Variants in ZNF710 observed in about 807,000 individuals in gnomAD.
The protein encoded by ZNF710 is zinc finger protein 710.
ZNF710 carries 13 observed loss-of-function variants against 50.6 expected under a neutral mutation model. The observed-to-expected ratio is 0.26, with a 90% CI of 0.17 to 0.41. The LOEUF (loss-of-function observed/expected upper bound fraction) is 0.41. Ranked by LOEUF, ZNF710 falls within the 10% of genes least tolerant of loss-of-function variation. ZNF710 has a pLI of 1.00. For synonymous variants in ZNF710, 383 were observed against 397.0 expected (o/e 0.96, Z 0.42); for missense variants, 721 against 936.6 (o/e 0.77, Z 3.01).
At position 90,071,186 on chromosome 15, in the gene ZNF710, G is replaced by A. The variant is rs543468873; in HGVS notation, c.1459-1885G>A. On this transcript the variant is annotated intron_variant, in intron 2 of 4. Coordinates refer to ENST00000268154, the MANE Select transcript of ZNF710 (RefSeq NM_198526.4). ...TGAGGCAGGAGAATTGCTTGAACCCGGGAGGCAGAGGTTGCAGTGAGCCAA... is the reference window on the plus strand; with the variant it reads ...TGAGGCAGGAGAATTGCTTGAACCCAGGAGGCAGAGGTTGCAGTGAGCCAA... Among the ~76,000 whole-genome samples, 24 of 151,830 alleles carry A rather than the reference G, an allele frequency of 1.6e-4. No homozygotes were observed. The South Asian group carries it at 3.5e-3, about 22-fold the overall frequency.
In ZNF710 at chr15:90,052,465, G is replaced by A. The variant is rs533775289; in HGVS notation, c.-28-14645G>A. Among the ~76,000 whole-genome samples, 13 of 152,252 alleles carry A rather than the reference G, an allele frequency of 8.5e-5. No individual in the cohort carries two copies. In the East Asian group the frequency reaches 1.2e-3, roughly 14 times the overall value. On this transcript the variant is annotated intron_variant, in intron 1 of 4. Transcript: ENST00000268154. The stretch of plus-strand genomic sequence containing the variant: ...GAGGAGGCTGAGCTAAGGAGGACTC[G>A]GAGTGATGTGACCTCAGTCCTCCCA...
intron 1 of ZNF710, among the ~76,000 whole-genome samples, chr15:90,007,787 G>C (rs533071352): frequency 6.6e-6 from 1 of 151,554 alleles, no homozygotes; most frequent in East Asian, 1.9e-4. Context: ...TTTTTTGGTA[G>C]CACAGATGAA....
At chr15:90,024,505 C>A (rs1166982147) in intron 1 of ZNF710, among the ~76,000 whole-genome samples, 2 of 152,178 alleles carry the variant, frequency 1.3e-5, no homozygotes, top group African/African-American at 4.8e-5. Context: ...AGGAGGAAGA[C>A]CCCGGTGCAA....
At position 90,067,847 on chromosome 15, in the gene ZNF710, C is replaced by T. The variant is rs372215051; in HGVS notation, c.710C>T (p.Pro237Leu). 81 of 1,599,718 alleles carry T rather than the reference C, an allele frequency of 5.1e-5. 1 individual carries two copies. The South Asian group carries it at 7.6e-4, about 15-fold the overall frequency. The change falls in exon 2 of 5, where the codon CCG (proline) becomes CTG (leucine). Residue 237 changes from proline to leucine, a missense_variant. Transcript: ENST00000268154. The surrounding 1 kb of genome is among the most constrained non-coding windows in gnomAD (Gnocchi z 8.1). ...SDPEAPSMES[P>L]EPVKPEQGFV... ...CCCGAGGCCCCCAGCATGGAGTCCC[C>T]GGAGCCTGTCAAGCCGGAACAGGGC...
At chr15:90,056,115 T>TA (rs1293151517) in intron 1 of ZNF710, among the ~76,000 whole-genome samples, 1,981 of 120,466 alleles carry the variant, frequency 0.016, 21 homozygotes, top group Non-Finnish European at 0.019. Context: ...GACTCCATCT[T>TA]AAAAAAAAAA....
At chr15:90,030,832 C>T (rs1163657209) in intron 1 of ZNF710, among the ~76,000 whole-genome samples, 3 of 151,742 alleles carry the variant, frequency 2.0e-5, no homozygotes, top group Non-Finnish European at 4.4e-5. Context: ...CTGGCTAACA[C>T]GGTGAAACCC....
At chr15:90,047,421 C>T (rs185042000) in intron 1 of ZNF710, among the ~76,000 whole-genome samples, 289 of 152,260 alleles carry the variant, frequency 1.9e-3, no homozygotes, top group African/African-American at 6.7e-3. Flanking sequence ...GCAGAGGATG[C>T]AAACTCAGGC....
chr15:90,034,102 G>A lies in ZNF710; in HGVS notation c.-29+32488G>A, dbSNP rs1051152509. On this transcript the variant is annotated intron_variant, in intron 1 of 4. Transcript: ENST00000268154. This position sits in a 1 kb window ranked among gnomAD's most constrained non-coding sequence, Gnocchi z 4.0. ...AGTCCCAGCTACTCGGGAGGCTGAG[G>A]TGGGAGAATCGCTTGAACCCAGGAG... Among the ~76,000 whole-genome samples, 5 of 152,090 alleles carry A rather than the reference G, an allele frequency of 3.3e-5. No homozygotes were observed. Among genetic ancestry groups the A allele is most frequent in the Non-Finnish European group, 4.4e-5 (3 of 68,008 alleles).
chr15:90,029,285 G>T (rs149959987), intron 1 of ZNF710, among the ~76,000 whole-genome samples: 1 of 152,184 alleles, frequency 6.6e-6, no homozygotes, highest in Non-Finnish European at 1.5e-5. Flanking sequence ...CACCAGCCAG[G>T]TGTGTGTCAT....
Position 90,068,604 on chromosome 15 carries a change from G to A in ZNF710, c.1458+9G>A, listed in dbSNP as rs200756831. Reference sequence around the variant, plus strand: ...ACTCCCTCACCCACAAGGTAAGGCCGTTCCCAGGGCCTGGGCATCTGCCTG... The same window carrying A: ...ACTCCCTCACCCACAAGGTAAGGCCATTCCCAGGGCCTGGGCATCTGCCTG... On this transcript the variant is annotated intron_variant, in intron 2 of 4. Transcript: ENST00000268154. The surrounding 1 kb of genome is among the most constrained non-coding windows in gnomAD (Gnocchi z 5.0). 67 of 1,573,548 alleles carry A rather than the reference G, an allele frequency of 4.3e-5. No individual in the cohort carries two copies. Among genetic ancestry groups the A allele is most frequent in the African/African-American group, 1.9e-4 (14 of 74,696 alleles).
At chr15:90,006,671 A>G (rs1233493772) in intron 1 of ZNF710, 2 of 153,504 alleles carry the variant, frequency 1.3e-5, no homozygotes, top group African/African-American at 4.8e-5. Context: ...GTGTGGATGA[A>G]GAGGCTTTAA....
upstream of ZNF710, among the ~76,000 whole-genome samples, chr15:90,001,105 G>A (rs891052313): frequency 6.6e-6 from 1 of 152,058 alleles, no homozygotes; most frequent in African/African-American, 2.4e-5. Flanking sequence ...GGAGGAAGAA[G>A]GAAGAAAAGA....
rs543449683 is a variant in ZNF710, at chr15:90,058,535, G to A, written c.-28-8575G>A. ...TTTCCTTCTCTTCCCTTTTCTGTAC[G>A]CTGGTGTCTTTCTCTAGAGACACTC... On this transcript the variant is annotated intron_variant, in intron 1 of 4. Coordinates refer to ENST00000268154, the MANE Select transcript of ZNF710 (RefSeq NM_198526.4). 5.3e-5 allele frequency among the ~76,000 whole-genome samples: 8 copies of A among 152,066 alleles called. No individual in the cohort carries two copies. In the East Asian group the frequency reaches 1.5e-3, roughly 29 times the overall value.
chr15:90,018,038 A>T (rs1898502467), intron 1 of ZNF710, among the ~76,000 whole-genome samples: 1 of 151,950 alleles, frequency 6.6e-6, no homozygotes, highest in Non-Finnish European at 1.5e-5. Context: ...ATTCTGCTCC[A>T]TCATCTTCTT....
upstream of ZNF710, among the ~76,000 whole-genome samples, chr15:90,001,146 T>C (rs1393613845): frequency 6.6e-6 from 1 of 151,912 alleles, no homozygotes; most frequent in African/African-American, 2.4e-5. Context: ...AAGAAAACCC[T>C]TCAGGCTTTC....
chr15:90,057,879 T>C (rs923311263), intron 1 of ZNF710, among the ~76,000 whole-genome samples: 1 of 152,162 alleles, frequency 6.6e-6, no homozygotes, highest in Non-Finnish European at 1.5e-5. Flanking sequence ...ACCCAGGGTC[T>C]CTGTCTTCAC....
chr15:90,069,965 C>T (rs1301590803), intron 2 of ZNF710, among the ~76,000 whole-genome samples: 6 of 152,064 alleles, frequency 3.9e-5, no homozygotes, highest in African/African-American at 1.4e-4. Context: ...TGGTTTCCAC[C>T]GAAATCCCAC....
intron 1 of ZNF710, among the ~76,000 whole-genome samples, chr15:90,008,662 T>A (rs1898218476): frequency 6.6e-6 from 1 of 151,030 alleles, no homozygotes; most frequent in Non-Finnish European, 1.5e-5. Context: ...GTAGCTGTAG[T>A]CCCAGCTACT....
intron 1 of ZNF710, among the ~76,000 whole-genome samples, chr15:90,010,962 A>G (rs1596263689): frequency 8.5e-6 from 1 of 118,194 alleles, no homozygotes; most frequent in Admixed American, 1.2e-4. Flanking sequence ...ACGGAGTCTC[A>G]CTCTGTTGCT....
Sources: gnomAD v4.1 joint callset for allele counts (sites outside exome capture counted in the v4.1 genomes callset) on GRCh38, gnomAD v4.1.1 for gene constraint, Gnocchi (gnomAD v3.1) non-coding constraint, MANE v1.5 for transcripts, NCBI Gene and HGNC (gene_info 2026-07-23, HGNC 2026-07-21) for gene names.